AHI1: variants seen among roughly 807,000 people sequenced by gnomAD.
AHI1 encodes jouberin.
AHI1 carries 123 observed loss-of-function variants against 149.3 expected under a neutral mutation model. The observed-to-expected ratio is 0.82, with a 90% CI of 0.71 to 0.96. The LOEUF (loss-of-function observed/expected upper bound fraction) is 0.96. Ranked by LOEUF, AHI1 falls within the 40% of genes least tolerant of loss-of-function variation. The probability of loss-of-function intolerance (pLI) is 0.00; values close to 1 mark genes in which losing one functional copy is unlikely to be tolerated. For synonymous variants in AHI1, 475 were observed against 459.8 expected, an observed-to-expected ratio of 1.03 and a Z score of -0.42; for missense variants, 1,439 against 1,422.7, an observed-to-expected ratio of 1.01 and a Z score of -0.18.
intron 27 of AHI1, among the ~76,000 whole-genome samples, chr6:135,295,896 G>A (rs575326017): frequency 6.6e-6 from 1 of 151,972 alleles, no homozygotes; most frequent in African/African-American, 2.4e-5. Context: ...TCTGTCTCCC[G>A]GGCTGGAGTG....
chr6:135,321,361 AGAGT>A (rs1428546803), intron 25 of AHI1, among the ~76,000 whole-genome samples: 1 of 152,228 alleles, frequency 6.6e-6, no homozygotes, highest in Non-Finnish European at 1.5e-5. Context: ...GAATTTTATG[AGAGT>A]GAGAAGTGGT....
chr6:135,339,545 A>G (rs1432478650), intron 24 of AHI1, among the ~76,000 whole-genome samples: 5 of 152,030 alleles, frequency 3.3e-5, no homozygotes, highest in Non-Finnish European at 7.3e-5. Context: ...GAAAAGAACA[A>G]TATTCACTAG....
chr6:135,492,321 T>C, intron 3 of AHI1, 30 bp from the exon 4 acceptor site: 1 of 1,465,026 alleles, frequency 6.8e-7, no homozygotes, highest in Non-Finnish European at 9.1e-7. Flanking sequence ...GTATTTGTAA[T>C]ATGGAACTTC....
At chr6:135,400,685 T>C (rs1779903809) in intron 22 of AHI1, among the ~76,000 whole-genome samples, 1 of 152,244 alleles carries the variant, frequency 6.6e-6, no homozygotes, top group Non-Finnish European at 1.5e-5. Context: ...TTTCTTTTTA[T>C]TCATAAGCAG....
intron 23 of AHI1, among the ~76,000 whole-genome samples, chr6:135,383,360 T>G (rs191027231): frequency 1.3e-5 from 2 of 150,866 alleles, no homozygotes; most frequent in Non-Finnish European, 2.9e-5. Flanking sequence ...GCCTTCTGAG[T>G]AGGTGGGACC....
intron 25 of AHI1, among the ~76,000 whole-genome samples, chr6:135,321,030 T>C (rs941728681): frequency 4.6e-5 from 7 of 152,222 alleles, no homozygotes; most frequent in Non-Finnish European, 1.0e-4. Context: ...CTTCCTTTCA[T>C]ACGGCCTATG....
intron 23 of AHI1, among the ~76,000 whole-genome samples, chr6:135,375,060 T>G (rs530860169): frequency 2.6e-5 from 4 of 152,344 alleles, no homozygotes; most frequent in African/African-American, 9.6e-5. Context: ...GTTTGGATGC[T>G]TTTCTGACAT....
intron 23 of AHI1, among the ~76,000 whole-genome samples, chr6:135,366,884 G>A (rs545721306): frequency 6.6e-6 from 1 of 152,220 alleles, no homozygotes; most frequent in East Asian, 1.9e-4. Flanking sequence ...TTGTCTGCCT[G>A]TGCTCTTTCA....
intron 14 of AHI1, among the ~76,000 whole-genome samples, 190 bp from the exon 15 acceptor site, chr6:135,438,688 C>T (rs1785792662): frequency 6.6e-6 from 1 of 152,000 alleles, no homozygotes; most frequent in South Asian, 2.1e-4. Flanking sequence ...CACAAAAATT[C>T]ACATGCAAAA....
intron 26 of AHI1, chr6:135,302,354 A>G: frequency 1.0e-6 from 1 of 988,994 alleles, no homozygotes; most frequent in Non-Finnish European, 1.2e-6. Context: ...ACTATATACC[A>G]GTGTTAAGCC....
chr6:135,338,306 A>G (rs1303177759), intron 24 of AHI1, among the ~76,000 whole-genome samples: 1 of 151,440 alleles, frequency 6.6e-6, no homozygotes, highest in Non-Finnish European at 1.5e-5. Flanking sequence ...ATCTCAAAAA[A>G]AAAAAAAAAA....
At chr6:135,419,305 T>C (rs374517797) in intron 20 of AHI1, among the ~76,000 whole-genome samples, 7 of 152,128 alleles carry the variant, frequency 4.6e-5, no homozygotes, top group African/African-American at 1.7e-4. Flanking sequence ...CTGCTCTTGT[T>C]GGTTCCTATT....
intron 9 of AHI1, among the ~76,000 whole-genome samples, chr6:135,456,585 A>C (rs1788993070): frequency 6.6e-6 from 1 of 152,150 alleles, no homozygotes; most frequent in Admixed American, 6.5e-5. Flanking sequence ...TTTACATAAA[A>C]AAGGCACAAG....
chr6:135,423,953 G>A (rs1783584768), intron 20 of AHI1, among the ~76,000 whole-genome samples: 1 of 151,938 alleles, frequency 6.6e-6, no homozygotes, highest in South Asian at 2.1e-4. Context: ...AACACTACAT[G>A]CATATTTATT....
chr6:135,329,846 AG>A (rs1788272990), intron 24 of AHI1, among the ~76,000 whole-genome samples: 2 of 152,198 alleles, frequency 1.3e-5, no homozygotes, highest in Admixed American at 1.3e-4. Context: ...CAACATTAAC[AG>A]GGGTGTGGAA....
At chr6:135,317,255 G>A (rs1397921007) in intron 26 of AHI1, among the ~76,000 whole-genome samples, 1 of 151,620 alleles carries the variant, frequency 6.6e-6, no homozygotes, top group East Asian at 1.9e-4. Flanking sequence ...CGTCCTTCAG[G>A]GGATCCCCTT....
At chr6:135,360,218 C>T (rs762527119) in intron 23 of AHI1, among the ~76,000 whole-genome samples, 33 of 152,108 alleles carry the variant, frequency 2.2e-4, no homozygotes, top group Non-Finnish European at 2.1e-4. Context: ...TAATAAGTAG[C>T]ATGCTATAAT....
At chr6:135,368,248 G>A (rs911436070) in intron 23 of AHI1, among the ~76,000 whole-genome samples, 2 of 152,206 alleles carry the variant, frequency 1.3e-5, no homozygotes, top group African/African-American at 4.8e-5. Context: ...GAGGTAGCAG[G>A]GGAGTGAAGT....
chr6:135,440,390 T>C (rs989546480), intron 14 of AHI1, among the ~76,000 whole-genome samples: 2 of 151,662 alleles, frequency 1.3e-5, no homozygotes, highest in Admixed American at 6.6e-5. Flanking sequence ...AAAAACAAAA[T>C]GAAACAAAAC....
Sources: gnomAD v4.1 joint callset for allele counts (sites outside exome capture counted in the v4.1 genomes callset) on GRCh38, gnomAD v4.1.1 for gene constraint, MANE v1.5 for transcripts, NCBI Gene and HGNC (gene_info 2026-07-23, HGNC 2026-07-21) for gene names.